CD36: variants seen among roughly 807,000 people sequenced by gnomAD.
CD36 encodes the protein CD36 molecule (CD36 blood group), also known as platelet glycoprotein 4.
Under a neutral mutation model 55.2 loss-of-function variants are expected in CD36, and 119 were observed. The observed-to-expected ratio is 2.15, with a 90% CI of 1.86 to 2.51. The LOEUF is 2.51. Ranked by LOEUF, CD36 falls within the 30% of genes most tolerant of loss-of-function variation. The pLI is 0.00. For synonymous variants in CD36, 186 were observed against 193.6 expected (o/e 0.96, Z 0.33); for missense variants, 819 against 555.5 (o/e 1.47, Z -4.77).
chr7:80,658,463 G>A (rs1336307763), intron 4 of CD36, among the ~76,000 whole-genome samples: 1 of 151,944 alleles, frequency 6.6e-6, no homozygotes, highest in South Asian at 2.1e-4. Flanking sequence ...TTGTTTGTTT[G>A]GGGGAAGTTA....
chr7:80,619,680 T>C (rs1793353793), intron 1 of CD36, among the ~76,000 whole-genome samples: 1 of 149,590 alleles, frequency 6.7e-6, no homozygotes, highest in Non-Finnish European at 1.5e-5. Flanking sequence ...AGGCTATAAT[T>C]TCCATGGATA....
intron 9 of CD36, chr7:80,670,281 A>G (rs1406888843): frequency 1.5e-5 from 7 of 462,052 alleles, no homozygotes; most frequent in South Asian, 4.3e-5. Flanking sequence ...GGCGTGCCCA[A>G]TCTTTCTAAA....
chr7:80,646,533 A>T lies in CD36; in HGVS notation c.-89-119A>T, dbSNP rs1795178923. On this transcript the variant is annotated intron_variant, in intron 2 of 14. Coordinates refer to ENST00000447544, the MANE Select transcript of CD36 (RefSeq NM_001001548.3). ...AAGCCACTTTGGTGAAACAAAAAGAAAAGCATTTGTTTATTTAGAACGGGC... is the reference window on the plus strand; with the variant it reads ...AAGCCACTTTGGTGAAACAAAAAGATAAGCATTTGTTTATTTAGAACGGGC... 6 of 599,986 alleles carry T rather than the reference A, an allele frequency of 1.0e-5. No homozygotes were observed. The South Asian group carries it at 1.2e-4, about 12-fold the overall frequency. The allele number at this position is 599,986 out of a possible 1,614,324, so 37.2% of individuals were successfully genotyped here. A position where few individuals can be genotyped will look rare whatever the true frequency, so the allele number is the denominator to read the frequency against.
intron 3 of CD36, among the ~76,000 whole-genome samples, chr7:80,651,181 A>C (rs1243976253): frequency 6.6e-6 from 1 of 152,162 alleles, no homozygotes; most frequent in African/African-American, 2.4e-5. Flanking sequence ...TAGGAGCTAA[A>C]TATTGAATAC....
At chr7:80,676,276 CA>C (rs1798161683) in intron 14 of CD36, 107 bp from the exon 15 acceptor site, 1 of 152,034 alleles carries the variant, frequency 6.6e-6, no homozygotes. Context: ...CTGCACATTT[CA>C]AAAGGATTAT....
chr7:80,669,939 C>G lies in CD36; in HGVS notation c.749-14C>G. The G allele has an allele frequency of 2.5e-6, 4 of 1,598,580 alleles. No homozygotes were observed. Among genetic ancestry groups the G allele is most frequent in the Non-Finnish European group, 3.4e-6 (4 of 1,166,058 alleles). ...ACATTACATCTAATCATTTGCCACT[C>G]GATTTTTAAACAGATGCAGCCTCAT... On this transcript the variant is annotated splice_polypyrimidine_tract_variant and intron_variant, in intron 8 of 14. Transcript: ENST00000447544.
intron 3 of CD36, among the ~76,000 whole-genome samples, chr7:80,653,332 T>G (rs1795770687): frequency 6.6e-6 from 1 of 152,246 alleles, no homozygotes; most frequent in East Asian, 1.9e-4. Context: ...ATTTTAATAA[T>G]GAAAGTTGTC....
chr7:80,661,402 A>T (rs2116662776), intron 5 of CD36, among the ~76,000 whole-genome samples, 192 bp downstream of exon 5: 1 of 152,278 alleles, frequency 6.6e-6, no homozygotes, highest in South Asian at 2.1e-4. Context: ...GCATTAGAAG[A>T]CCACTTTATT....
intron 1 of CD36, among the ~76,000 whole-genome samples, chr7:80,609,898 A>G (rs1792781046): frequency 6.6e-6 from 1 of 152,198 alleles, no homozygotes; most frequent in African/African-American, 2.4e-5. Context: ...AATTTGGTTC[A>G]GGTTACAAGT....
chr7:80,606,612 C>T (rs1366849114), intron 1 of CD36, among the ~76,000 whole-genome samples: 1 of 152,126 alleles, frequency 6.6e-6, no homozygotes, highest in Non-Finnish European at 1.5e-5. Flanking sequence ...GATGTCTTTG[C>T]CGCATGTACT....
chr7:80,615,414 T>C (rs1243696906), intron 1 of CD36, among the ~76,000 whole-genome samples: 6 of 152,182 alleles, frequency 3.9e-5, no homozygotes, highest in Non-Finnish European at 5.9e-5. Flanking sequence ...CTGAAAACCA[T>C]TTTTGTACAT....
At chr7:80,654,303 G>C (rs561268270) in intron 3 of CD36, among the ~76,000 whole-genome samples, 13 of 152,064 alleles carry the variant, frequency 8.5e-5, no homozygotes, top group Admixed American at 2.0e-4. Flanking sequence ...TATTAGGTCG[G>C]TACAAAAGTA....
Position 80,678,916 on chromosome 7 carries a change from T to C in CD36, c.*2533T>C, listed in dbSNP as rs1005266387. 1.3e-5 allele frequency: 2 copies of C among 152,180 alleles called. No homozygotes were observed. Among genetic ancestry groups the C allele is most frequent in the African/African-American group, 4.8e-5 (2 of 41,446 alleles). The allele number at this position is 152,180 out of a possible 1,614,324, so 9.4% of individuals were successfully genotyped here. On this transcript the variant is annotated 3_prime_UTR_variant, in exon 15 of 15. Coordinates refer to ENST00000447544, the MANE Select transcript of CD36 (RefSeq NM_001001548.3). ...TGTCTGAGCTACATAATTATCTTTC[T>C]AGTTGGAGTTTGTTTTAGGTGTGTA...
At position 80,606,533 on chromosome 7, in the gene CD36, A is replaced by G. The variant is rs139916609; in HGVS notation, c.-184+4154A>G. On this transcript the variant is annotated intron_variant, in intron 1 of 13. Transcript: ENST00000309881. ...TCATTTCACCTAATGCCTCTCAATG[A>G]TGTCCTAGTCCTTTTCCCCAGTCTG... 4.9e-3 allele frequency among the ~76,000 whole-genome samples: 751 copies of G among 152,332 alleles called. 4 individuals carry two copies. The highest frequency in any genetic ancestry group is 8.2e-3 in the Non-Finnish European group (555 of 68,038).
chr7:80,625,740 G>T (rs1793705330), intron 1 of CD36, among the ~76,000 whole-genome samples: 1 of 152,248 alleles, frequency 6.6e-6, no homozygotes, highest in South Asian at 2.1e-4. Flanking sequence ...CTACTAAACA[G>T]ATATATGTTT....
intron 7 of CD36, 48 bp from the exon 8 acceptor site, chr7:80,666,395 G>T (rs1173154220): frequency 3.4e-6 from 4 of 1,190,066 alleles, no homozygotes; most frequent in Non-Finnish European, 2.5e-6. Context: ...TGTAAGAAAG[G>T]TATTCTTTAA....
chr7:80,603,056 C>A (rs1792330924), intron 1 of CD36, among the ~76,000 whole-genome samples: 1 of 152,002 alleles, frequency 6.6e-6, no homozygotes, highest in Non-Finnish European at 1.5e-5. Flanking sequence ...GTGGGTGCCA[C>A]ATGTCTTATT....
At chr7:80,673,951 C>A (rs1584475210) in intron 13 of CD36, 32 bp from the exon 14 acceptor site, 3 of 1,571,264 alleles carry the variant, frequency 1.9e-6, no homozygotes, top group Non-Finnish European at 2.6e-6. Context: ...ACTAACGTAC[C>A]CAAATAATGT....
intron 1 of CD36, among the ~76,000 whole-genome samples, chr7:80,631,975 G>A (rs893066267): frequency 6.6e-6 from 1 of 151,830 alleles, no homozygotes. Context: ...TTAAGAATAT[G>A]TGTCAAGTTA....
Sources: allele counts gnomAD v4.1 joint callset (sites outside exome capture counted in the v4.1 genomes callset), GRCh38; gene constraint gnomAD v4.1.1; transcripts MANE v1.5; gene names NCBI Gene and HGNC (gene_info 2026-07-23, HGNC 2026-07-21).